The following TBC1D3E variants were observed in gnomAD, a reference collection of about 807,000 sequenced individuals.
The protein encoded by TBC1D3E is Prostate cancer gene 17 protein.
For missense variants in TBC1D3E, 1 was observed against 29.6 expected, an observed-to-expected ratio of 0.03 and a Z score of 2.24; for synonymous variants, 1 against 12.7, an observed-to-expected ratio of 0.08 and a Z score of 1.96.
intron 7 of TBC1D3E, among the ~76,000 whole-genome samples, chr17:38,133,522 C>T (rs1197769987): frequency 2.5e-3 from 46 of 18,152 alleles, no homozygotes; most frequent in African/African-American, 4.1e-3. Flanking sequence ...GTCTGGGTGG[C>T]CAGGGGCTGA....
chr17:38,127,782 TACAC>T (rs1408374663), upstream of TBC1D3E, among the ~76,000 whole-genome samples: 4 of 56,188 alleles, frequency 7.1e-5, no homozygotes, highest in South Asian at 1.0e-3. Context: ...TTTACCCACA[TACAC>T]ATGTGCACGC....
intron 7 of TBC1D3E, 129 bp from the exon 8 acceptor site, chr17:38,133,818 G>A (rs1353324772): frequency 6.2e-6 from 1 of 161,002 alleles, no homozygotes; most frequent in African/African-American, 4.2e-5. Flanking sequence ...CTCAGGCCCT[G>A]AAGAGCTCAC....
At chr17:38,135,578 A>AG in intron 10 of TBC1D3E, 111 bp downstream of exon 10, 1 of 368,536 alleles carries the variant, frequency 2.7e-6, no homozygotes, top group Non-Finnish European at 4.9e-6. Context: ...AGTCCCAGCC[A>AG]GGGCCCGACC....
At chr17:38,127,870 GA>G (rs1316204643), upstream of TBC1D3E, 2 of 115,370 alleles carry the variant, frequency 1.7e-5, no homozygotes, top group East Asian at 4.5e-4. Flanking sequence ...GGGCACTGCT[GA>G]CCCGGGCAAG....
At chr17:38,134,824 CCCCAAAG>C (rs2035998791) in intron 9 of TBC1D3E, among the ~76,000 whole-genome samples, 165 bp downstream of exon 9, 1 of 68,872 alleles carries the variant, frequency 1.5e-5, no homozygotes, top group East Asian at 6.2e-4. Context: ...CACGGCTGAC[CCCCAAAG>C]CCCAAATCAG....
chr17:38,135,528 CA>C (rs2036010809), intron 10 of TBC1D3E, 61 bp downstream of exon 10: 1 of 329,220 alleles, frequency 3.0e-6, no homozygotes, highest in Non-Finnish European at 6.3e-6. Context: ...GCTGTAGGAG[CA>C]GGGGGGCTGG....
chr17:38,127,794 C>T (rs1181946207), upstream of TBC1D3E, among the ~76,000 whole-genome samples: 2 of 57,500 alleles, frequency 3.5e-5, no homozygotes, highest in East Asian at 6.9e-4. Context: ...CACATGTGCA[C>T]GCACGTGCAC....
rs2036020015 is a variant in TBC1D3E at position 38,136,419 on chromosome 17, T to C, written c.867T>C (p.Tyr289=). 1.7e-6 allele frequency: 1 copy of C among 573,484 alleles called. No individual in the cohort carries two copies. Among genetic ancestry groups the C allele is most frequent in the Middle Eastern group, 9.6e-4 (1 of 1,042 alleles). 35.5% of individuals were successfully genotyped at this position (573,484 alleles called of 1,614,324 possible). A position where few individuals can be genotyped will look rare whatever the true frequency, so the allele number is the denominator to read the frequency against. The change falls in exon 12 of 14, where the codon TAT becomes TAC. Residue 289 remains tyrosine, a synonymous_variant. Transcript: ENST00000621587. ...TCACCCTGCGCCTGTGGGACGTGTA[T>C]CTGGTAGAAGGCGAACAGGCGCTGA... ...LGLTLRLWDV[Y]LVEGEQALMP...
At chr17:38,127,673 C>T (rs1271739434), upstream of TBC1D3E, among the ~76,000 whole-genome samples, 1 of 54,680 alleles carries the variant, frequency 1.8e-5, no homozygotes, top group Admixed American at 1.8e-4. Flanking sequence ...TGATGCTGGC[C>T]CTGGGCCTCG....
At chr17:38,133,496 CAGGG>C (rs2035986982) in intron 7 of TBC1D3E, among the ~76,000 whole-genome samples, 1 of 11,170 alleles carries the variant, frequency 9.0e-5, no homozygotes, top group African/African-American at 1.5e-4. Flanking sequence ...GGCCAAACCA[CAGGG>C]ACTGAGAAGC....
upstream of TBC1D3E, among the ~76,000 whole-genome samples, chr17:38,127,783 A>G (rs2035953980): frequency 1.1e-4 from 6 of 56,218 alleles, 3 homozygotes; most frequent in Non-Finnish European, 1.2e-4. Context: ...TTACCCACAT[A>G]CACATGTGCA....
chr17:38,133,030 G>A (rs1271747050), intron 7 of TBC1D3E, among the ~76,000 whole-genome samples: 1 of 43,018 alleles, frequency 2.3e-5, no homozygotes, highest in African/African-American at 5.1e-5. Context: ...ATGAGCCCCC[G>A]CCAGGCAACA....
At chr17:38,135,168 A>G (rs2036005323) in intron 9 of TBC1D3E, among the ~76,000 whole-genome samples, 1 of 99,592 alleles carries the variant, frequency 1.0e-5, no homozygotes. Context: ...CTGGCCCAGG[A>G]GGCCTCCAGG....
chr17:38,124,145 TA>T (rs386386010), upstream of TBC1D3E: 45,620 of 110,204 alleles, frequency 0.41, 3,922 homozygotes, highest in African/African-American at 0.48. Context: ...GGGGATAAGG[TA>T]AAAAAAAAAA....
chr17:38,127,768 T>C (rs1280543442), upstream of TBC1D3E, among the ~76,000 whole-genome samples: 194 of 55,312 alleles, frequency 3.5e-3, 41 homozygotes, highest in East Asian at 0.017. Flanking sequence ...CGTGCACAGA[T>C]GTGTTTACCC....
chr17:38,127,728 G>C (rs1294368925), upstream of TBC1D3E, among the ~76,000 whole-genome samples: 18 of 54,660 alleles, frequency 3.3e-4, no homozygotes, highest in East Asian at 3.5e-4. Context: ...GAGTGGGGCA[G>C]CCGGGCCTGG....
Sources: gnomAD v4.1 joint callset for allele counts (sites outside exome capture counted in the v4.1 genomes callset) on GRCh38, gnomAD v4.1.1 for gene constraint, MANE v1.5 for transcripts, NCBI Gene and HGNC (gene_info 2026-07-23, HGNC 2026-07-21) for gene names.